Variants in FNDC3B observed in about 807,000 individuals in gnomAD.
FNDC3B encodes the protein fibronectin type III domain containing 3B.
In FNDC3B, 12 loss-of-function variants were observed where a neutral mutation model predicts 151.5. That is an observed-to-expected ratio of 0.08 (90% CI 0.05 to 0.13). The LOEUF is 0.13. Among genes scored for constraint, FNDC3B ranks in the 10% least tolerant of loss-of-function variants. The probability of loss-of-function intolerance (pLI) is 1.00; values close to 1 mark genes in which losing one functional copy is unlikely to be tolerated. For missense variants in FNDC3B, 1,214 were observed against 1,505.3 expected, an observed-to-expected ratio of 0.81 and a Z score of 3.20; for synonymous variants, 528 against 549.0, an observed-to-expected ratio of 0.96 and a Z score of 0.54.
chr3:172,396,773 C>T (rs1482982379), intron 25 of FNDC3B, among the ~76,000 whole-genome samples: 1 of 152,220 alleles, frequency 6.6e-6, no homozygotes, highest in Non-Finnish European at 1.5e-5. Flanking sequence ...AACAATTTCA[C>T]TTTGAAACTA....
At chr3:172,056,525 T>C (rs1373303010) in intron 1 of FNDC3B, among the ~76,000 whole-genome samples, 2 of 152,244 alleles carry the variant, frequency 1.3e-5, no homozygotes, top group African/African-American at 4.8e-5. Flanking sequence ...TCTGGAAACA[T>C]CTGAGTTTGG....
intron 22 of FNDC3B, among the ~76,000 whole-genome samples, chr3:172,356,495 T>TCTGTCAC (rs1428196218): frequency 3.9e-5 from 6 of 152,090 alleles, no homozygotes; most frequent in Non-Finnish European, 8.8e-5. Flanking sequence ...AGATTATAGG[T>TCTGTCAC]AGAGATCTTA....
At chr3:172,275,794 G>T (rs1729404641) in intron 6 of FNDC3B, among the ~76,000 whole-genome samples, 1 of 152,036 alleles carries the variant, frequency 6.6e-6, no homozygotes, top group African/African-American at 2.4e-5. Context: ...CTGGACTAGG[G>T]CAGATGGTGC....
chr3:172,055,821 C>T (rs1443424552), intron 1 of FNDC3B, among the ~76,000 whole-genome samples: 17 of 151,890 alleles, frequency 1.1e-4, no homozygotes, highest in Admixed American at 1.1e-3. Flanking sequence ...TGTTCTGTCG[C>T]CCAGGCTGGA....
chr3:172,102,616 C>G (rs971358023), intron 1 of FNDC3B, among the ~76,000 whole-genome samples: 5 of 152,078 alleles, frequency 3.3e-5, no homozygotes, highest in African/African-American at 9.7e-5. Context: ...ATAGGAAAAC[C>G]TTGAACCACA....
At chr3:172,305,157 G>C (rs1266785670) in intron 9 of FNDC3B, among the ~76,000 whole-genome samples, 1 of 152,084 alleles carries the variant, frequency 6.6e-6, no homozygotes, top group Non-Finnish European at 1.5e-5. Context: ...TTTGAAGTAA[G>C]GTTCAGACAT....
At chr3:172,310,271 G>C (rs2091809448) in intron 10 of FNDC3B, among the ~76,000 whole-genome samples, 1 of 152,154 alleles carries the variant, frequency 6.6e-6, no homozygotes, top group South Asian at 2.1e-4. Flanking sequence ...ACTTCCCTCT[G>C]CTAACGTATG....
At chr3:172,074,856 A>G (rs530917157) in intron 1 of FNDC3B, among the ~76,000 whole-genome samples, 1 of 152,264 alleles carries the variant, frequency 6.6e-6, no homozygotes, top group South Asian at 2.1e-4. Flanking sequence ...TCCAGTGTCA[A>G]ACTATCCACC....
chr3:172,289,504 C>T (rs2108831742), intron 7 of FNDC3B, among the ~76,000 whole-genome samples: 1 of 152,308 alleles, frequency 6.6e-6, no homozygotes, highest in South Asian at 2.1e-4. Context: ...AATGTTATTG[C>T]CTGAGACAGT....
At chr3:172,377,437 G>A (rs1735210081) in intron 23 of FNDC3B, among the ~76,000 whole-genome samples, 1 of 152,188 alleles carries the variant, frequency 6.6e-6, no homozygotes, top group African/African-American at 2.4e-5. Flanking sequence ...ACAGCATACT[G>A]TAGTTCTCAA....
chr3:172,292,152 GAGTC>G (rs1730374521), intron 7 of FNDC3B, among the ~76,000 whole-genome samples: 1 of 152,202 alleles, frequency 6.6e-6, no homozygotes, highest in African/African-American at 2.4e-5. Flanking sequence ...CTCGGGCCAA[GAGTC>G]AGTGAAAGGG....
chr3:172,306,092 C>T (rs1326288022), intron 9 of FNDC3B, among the ~76,000 whole-genome samples: 3 of 152,230 alleles, frequency 2.0e-5, no homozygotes, highest in East Asian at 1.9e-4. Context: ...GTGCCTTTGA[C>T]GTATGGCCTC....
intron 2 of FNDC3B, among the ~76,000 whole-genome samples, chr3:172,118,730 G>A (rs914286763): frequency 5.3e-5 from 8 of 152,182 alleles, no homozygotes; most frequent in South Asian, 2.1e-4. Context: ...ATCAAGATGC[G>A]TGAGAAATGC....
At chr3:172,165,855 A>G (rs913266217) in intron 3 of FNDC3B, among the ~76,000 whole-genome samples, 2 of 152,246 alleles carry the variant, frequency 1.3e-5, no homozygotes, top group African/African-American at 2.4e-5. Context: ...AATATTCATA[A>G]TAATTACATT....
intron 21 of FNDC3B, among the ~76,000 whole-genome samples, chr3:172,350,893 T>C (rs1157881933): frequency 6.6e-6 from 1 of 152,226 alleles, no homozygotes; most frequent in Non-Finnish European, 1.5e-5. Flanking sequence ...AGTTTTGTAA[T>C]TCAACCTCAT....
chr3:172,324,763 A>G (rs942569750), intron 11 of FNDC3B, among the ~76,000 whole-genome samples: 1 of 152,224 alleles, frequency 6.6e-6, no homozygotes, highest in African/African-American at 2.4e-5. Context: ...TGAGGTCAGT[A>G]GCCCAGTGGC....
At chr3:172,141,816 A>C (rs1042090708) in intron 3 of FNDC3B, among the ~76,000 whole-genome samples, 7 of 151,852 alleles carry the variant, frequency 4.6e-5, no homozygotes, top group African/African-American at 1.7e-4. Context: ...GTGCCATTGC[A>C]CTCCAGCCTG....
At chr3:172,221,184 T>C (rs2108731559) in intron 3 of FNDC3B, among the ~76,000 whole-genome samples, 1 of 152,006 alleles carries the variant, frequency 6.6e-6, no homozygotes, top group Admixed American at 6.6e-5. Context: ...GTAATTTTTT[T>C]TGTGGGATCT....
intron 3 of FNDC3B, among the ~76,000 whole-genome samples, chr3:172,189,121 TA>T: frequency 6.6e-6 from 1 of 152,252 alleles, no homozygotes; most frequent in East Asian, 1.9e-4. Flanking sequence ...TGAACTTACC[TA>T]AACTTAGTAA....
Sources: allele counts gnomAD v4.1 joint callset (sites outside exome capture counted in the v4.1 genomes callset), GRCh38; gene constraint gnomAD v4.1.1; transcripts MANE v1.5; gene names NCBI Gene and HGNC (gene_info 2026-07-23, HGNC 2026-07-21).